Variants in CEP295 observed in about 807,000 individuals in gnomAD.
The protein encoded by CEP295 is centrosomal protein 295, also known as centrosomal protein of 295 kDa.
In CEP295, 190 loss-of-function variants were observed where a neutral mutation model predicts 291.6. That is an observed-to-expected ratio of 0.65 (90% CI 0.58 to 0.73). The LOEUF (loss-of-function observed/expected upper bound fraction) is 0.73. Among genes scored for constraint, CEP295 ranks in the 30% least tolerant of loss-of-function variants. The probability of loss-of-function intolerance (pLI) is 0.00; values close to 1 mark genes in which losing one functional copy is unlikely to be tolerated. For synonymous variants in CEP295, 993 were observed against 1,038.8 expected, an observed-to-expected ratio of 0.96 and a Z score of 0.85; for missense variants, 2,863 against 2,949.4, an observed-to-expected ratio of 0.97 and a Z score of 0.68.
At chr11:93,712,856 TTTG>T (rs56969423) in intron 18 of CEP295, among the ~76,000 whole-genome samples, 76,581 of 148,670 alleles carry the variant, frequency 0.52, 19,736 homozygotes, top group East Asian at 0.65. Context: ...TTTCTTCTGT[TTTG>T]TTGTTGTTGT....
intron 9 of CEP295, among the ~76,000 whole-genome samples, chr11:93,686,551 T>C (rs1471827770): frequency 6.6e-6 from 1 of 152,204 alleles, no homozygotes; most frequent in East Asian, 1.9e-4. Context: ...TTTTAAATAT[T>C]GGCAATGAAT....
chr11:93,683,574 A>G lies in CEP295; in HGVS notation c.781A>G (p.Met261Val), dbSNP rs377393230. The G allele has an allele frequency of 2.9e-5, 43 of 1,508,550 alleles. 1 individual carries two copies. In the African/African-American group the frequency reaches 5.4e-4, roughly 19 times the overall value. The allele number at this position is 1,508,550 out of a possible 1,614,324, so 93.4% of individuals were successfully genotyped here. Residue 261 changes from methionine (M) to valine (V), a missense_variant, in exon 8 of 30, where the codon ATG becomes GTG. Physicochemically the swap from Met to Val is conservative, Grantham distance 21. Coordinates refer to ENST00000325212, the MANE Select transcript of CEP295 (RefSeq NM_033395.2). ...IHLAQNQEKL[M>V]KELKQLQQED... is the part of the protein sequence containing the mutation. ...ATTCTTGAAGAATCAGGAGAAACTAATGAAAGAACTCAAACAGCTACAGCA... is the reference window on the plus strand; with the variant it reads ...ATTCTTGAAGAATCAGGAGAAACTAGTGAAAGAACTCAAACAGCTACAGCA...
At chr11:93,694,675 A>G (rs1456842913) in intron 12 of CEP295, among the ~76,000 whole-genome samples, 1 of 152,238 alleles carries the variant, frequency 6.6e-6, no homozygotes, top group Non-Finnish European at 1.5e-5. Flanking sequence ...TACAGCATGG[A>G]TATGCTGGAC....
At chr11:93,691,548 AG>A in intron 10 of CEP295, 134 bp from the exon 11 acceptor site, 1 of 602,172 alleles carries the variant, frequency 1.7e-6, no homozygotes, top group Non-Finnish European at 2.9e-6. Context: ...ATCATCAGGA[AG>A]GTTACTGGAT....
In CEP295 at chr11:93,698,217, C is replaced by T. The variant is rs868767888; in HGVS notation, c.3305C>T (p.Ser1102Leu). ...TCTGGGCTGGTGAGCTCTTCATCCTCACCAGTGGTTGTTCAGCATTCAGTT... is the reference window on the plus strand; with the variant it reads ...TCTGGGCTGGTGAGCTCTTCATCCTTACCAGTGGTTGTTCAGCATTCAGTT... ...SKSGLVSSSSSPVVVQHSVAS... is the reference protein window; with the variant it reads ...SKSGLVSSSSLPVVVQHSVAS... The change falls in exon 15 of 30, where the codon TCA (serine) becomes TTA (leucine). Residue 1102 changes from serine (S) to leucine (L), a missense_variant. By Grantham distance (145) the Ser-to-Leu change is moderately radical. Around this residue, in one of 3 missense-constraint regions of CEP295, gnomAD observed 2,295 missense variants for 2,335.7 expected, o/e 0.98. Transcript: ENST00000325212. The T allele has an allele frequency of 1.3e-6, 2 of 1,551,872 alleles. No individual in the cohort carries two copies. Among genetic ancestry groups the T allele is most frequent in the Middle Eastern group, 3.3e-4 (2 of 5,992 alleles).
In CEP295 at chr11:93,714,407, C is replaced by T. The variant is rs145613546; in HGVS notation, c.5750-6905C>T. On this transcript the variant is annotated intron_variant, in intron 18 of 29. Transcript: ENST00000325212. ...CTGGGACTACAGGCGCGTGCCACCA[C>T]GCCCAGCTAATTTTTGTATTTTTAG... Among the ~76,000 whole-genome samples the T allele has an allele frequency of 6.7e-3, 1,024 of 152,230 alleles. 16 individuals are homozygous for T. The highest frequency in any genetic ancestry group is 0.052 in the East Asian group (271 of 5,164).
intron 23 of CEP295, 83 bp from the exon 24 acceptor site, chr11:93,726,893 A>T: frequency 9.3e-7 from 1 of 1,072,970 alleles, no homozygotes; most frequent in Non-Finnish European, 1.3e-6. Flanking sequence ...TTGCAATTGG[A>T]TGATAAACTA....
chr11:93,729,630 T>TA lies in CEP295; in HGVS notation c.7417dup (p.Thr2473AsnfsTer32), dbSNP rs1938107254. On this transcript the variant is annotated frameshift_variant, in exon 27 of 30. Coordinates refer to ENST00000325212, the MANE Select transcript of CEP295 (RefSeq NM_033395.2). LOFTEE classifies it high-confidence loss of function. ...CCCCAGCAGAAACCCCTCGCAGGCT[T>TA]ACACCTGTACCAGGGAGCTTACAAG... The TA allele has an allele frequency of 6.4e-7, 1 of 1,550,408 alleles. No homozygotes were observed. The highest frequency in any genetic ancestry group is 1.2e-5 in the South Asian group (1 of 83,908).
intron 12 of CEP295, 64 bp downstream of exon 12, chr11:93,692,094 T>A (rs1304400356): frequency 1.1e-6 from 1 of 922,544 alleles, no homozygotes; most frequent in Non-Finnish European, 1.7e-6. Flanking sequence ...TAATTTTGTT[T>A]GGCCAATGAA....
chr11:93,711,017 ATC>A (rs1330581280), intron 18 of CEP295, among the ~76,000 whole-genome samples: 1 of 151,948 alleles, frequency 6.6e-6, no homozygotes, highest in East Asian at 1.9e-4. Context: ...CTGACTAAAG[ATC>A]TGTCAATTTT....
Position 93,702,557 on chromosome 11 carries a change from A to C in CEP295, c.5372A>C (p.Gln1791Pro), listed in dbSNP as rs953381474. The change falls in exon 16 of 30, where the codon CAA becomes CCA. Residue 1791 changes from glutamine to proline, a missense_variant. By Grantham distance (76) the Gln-to-Pro change is moderately conservative. Coordinates refer to ENST00000325212, the MANE Select transcript of CEP295 (RefSeq NM_033395.2). Reference sequence around the variant, plus strand: ...ACACAAGACCTAGCAGGAAATGATCAAGAAAATATTAGGCATGCAGATAGG... The same window carrying C: ...ACACAAGACCTAGCAGGAAATGATCCAGAAAATATTAGGCATGCAGATAGG... ...PNTQDLAGND[Q>P]ENIRHADRNN... 6.4e-7 allele frequency: 1 copy of C among 1,551,510 alleles called. No individual in the cohort carries two copies. The highest frequency in any genetic ancestry group is 1.4e-5 in the African/African-American group (1 of 73,178).
At chr11:93,690,868 G>C (rs934266259) in intron 10 of CEP295, among the ~76,000 whole-genome samples, 1 of 151,726 alleles carries the variant, frequency 6.6e-6, no homozygotes, top group Admixed American at 6.6e-5. Context: ...GCCAAGGTTT[G>C]TTTCTTTATC....
chr11:93,720,113 C>T (rs906409700), intron 18 of CEP295, among the ~76,000 whole-genome samples: 1 of 149,234 alleles, frequency 6.7e-6, no homozygotes, highest in Non-Finnish European at 1.5e-5. Context: ...ATCCCAGCTA[C>T]TCAGGAGGCT....
chr11:93,703,367 A>G (rs998860650), intron 17 of CEP295, among the ~76,000 whole-genome samples: 2 of 152,158 alleles, frequency 1.3e-5, no homozygotes, highest in Non-Finnish European at 2.9e-5. Flanking sequence ...AAAAGGAAAA[A>G]ATGGCTTATT....
intron 9 of CEP295, among the ~76,000 whole-genome samples, chr11:93,685,371 G>A (rs924862621): frequency 1.3e-5 from 2 of 151,978 alleles, no homozygotes; most frequent in African/African-American, 4.8e-5. Context: ...AACCACCCAG[G>A]CTTTCTTATC....
chr11:93,694,363 T>C (rs1216002059), intron 12 of CEP295, among the ~76,000 whole-genome samples: 2 of 152,198 alleles, frequency 1.3e-5, no homozygotes, highest in Non-Finnish European at 2.9e-5. Flanking sequence ...GTATATACTA[T>C]GGGTGAATTT....
chr11:93,679,369 C>T (rs186209396), intron 6 of CEP295, 43 bp from the exon 7 acceptor site: 3 of 1,522,190 alleles, frequency 2.0e-6, no homozygotes, highest in African/African-American at 2.8e-5. Flanking sequence ...CTGCTTGTCT[C>T]ACACTTTAAA....
rs1951887981 is a variant in CEP295 at position 93,697,228 on chromosome 11, T to C, written c.2316T>C (p.Asn772=). 6.4e-7 allele frequency: 1 copy of C among 1,551,726 alleles called. No homozygotes were observed. The highest frequency in any genetic ancestry group is 8.7e-7 in the Non-Finnish European group (1 of 1,146,950). Residue 772 remains asparagine, a synonymous_variant, in exon 15 of 30, where the codon AAT becomes AAC. Coordinates refer to ENST00000325212, the MANE Select transcript of CEP295 (RefSeq NM_033395.2). The stretch of plus-strand genomic sequence containing the variant: ...AATCCCAACAATTGTTCTCAGAGAA[T>C]AGTGAAAATATATCTTACCATTTAA... ...SLESQQLFSE[N]SENISYHLTE...
chr11:93,700,303 C>A, intron 15 of CEP295, 117 bp downstream of exon 15: 1 of 947,586 alleles, frequency 1.1e-6, no homozygotes, highest in Non-Finnish European at 1.5e-6. Flanking sequence ...CTTAACTGTG[C>A]TTTGATTTTT....
Sources: gnomAD v4.1 joint callset for allele counts (sites outside exome capture counted in the v4.1 genomes callset) on GRCh38, gnomAD v4.1.1 for gene constraint, gnomAD v4.1.1 regional missense constraint, MANE v1.5 for transcripts, NCBI Gene and HGNC (gene_info 2026-07-23, HGNC 2026-07-21) for gene names.